Variants in VIT observed in about 807,000 individuals in gnomAD.
VIT encodes the protein vitrin.
A neutral mutation model predicts 78.0 loss-of-function variants in VIT; 99 were observed. That is an observed-to-expected ratio of 1.27 (90% CI 1.08 to 1.50). The LOEUF is 1.50. Ranked by LOEUF, VIT falls within the 40% of genes most tolerant of loss-of-function variation. VIT has a pLI of 0.00. For missense variants in VIT, 1,126 were observed against 875.3 expected, an observed-to-expected ratio of 1.29 and a Z score of -3.61; for synonymous variants, 374 against 334.3, an observed-to-expected ratio of 1.12 and a Z score of -1.29.
rs568527045 is a variant in VIT, at chr2:36,795,823, A to C, written c.1059-5478A>C. Among the ~76,000 whole-genome samples, 11 of 152,208 alleles carry C rather than the reference A, an allele frequency of 7.2e-5. 1 individual carries two copies. The highest frequency in any genetic ancestry group is 2.4e-4 in the African/African-American group (10 of 41,520). On this transcript the variant is annotated intron_variant, in intron 12 of 15. Transcript: ENST00000379242. ...TTTTGCTATTTAAAATGGACTCCAA[A>C]TGTAGTGCTGAAATGCTAGCTAGCT... is the stretch of plus-strand genomic sequence containing the variant.
At position 36,760,992 on chromosome 2, in the gene VIT, C is replaced by T. The variant is rs376104083; in HGVS notation, c.487+1946C>T. ...CAGAGATCCCTAGGGCAGAAACAGT[C>T]CCCAGGTTCACATAAAGCCCCCAAC... On this transcript the variant is annotated intron_variant, in intron 6 of 15. Coordinates refer to ENST00000379242, the MANE Select transcript of VIT (RefSeq NM_053276.4). Among the ~76,000 whole-genome samples the T allele has an allele frequency of 7.9e-5, 12 of 152,164 alleles. No homozygotes were observed. The East Asian group carries it at 1.9e-3, about 25-fold the overall frequency.
chr2:36,705,572 G>A (rs769529691), intron 1 of VIT, among the ~76,000 whole-genome samples: 2 of 151,996 alleles, frequency 1.3e-5, no homozygotes, highest in East Asian at 1.9e-4. Flanking sequence ...CTAATGGCAC[G>A]GGCATACATC....
chr2:36,808,744 C>T lies in VIT; in HGVS notation c.1662C>T (p.Tyr554=), dbSNP rs1180150187. The T allele has an allele frequency of 6.2e-7, 1 of 1,614,014 alleles. No individual in the cohort carries two copies. The highest frequency in any genetic ancestry group is 8.5e-7 in the Non-Finnish European group (1 of 1,179,986). Reference sequence around the variant, plus strand: ...ACACGCGCATCGGGGCCGTGCAGTACACCTACGAACAGCGGCTGGAGTTTG... The same window carrying T: ...ACACGCGCATCGGGGCCGTGCAGTATACCTACGAACAGCGGCTGGAGTTTG... ...DTDTRIGAVQ[Y]TYEQRLEFGF... is the part of the protein sequence containing the mutation. Residue 554 remains tyrosine, a synonymous_variant, in exon 15 of 16, where the codon TAC becomes TAT. Coordinates refer to ENST00000379242, the MANE Select transcript of VIT (RefSeq NM_053276.4).
intron 3 of VIT, among the ~76,000 whole-genome samples, chr2:36,739,171 T>C (rs1667683961): frequency 6.6e-6 from 1 of 152,138 alleles, no homozygotes. Context: ...ATAATTCTTC[T>C]TCATTAAAAA....
intron 12 of VIT, 43 bp from the exon 13 acceptor site, chr2:36,801,258 T>A: frequency 1.3e-6 from 2 of 1,527,108 alleles, no homozygotes; most frequent in Non-Finnish European, 9.1e-7. Flanking sequence ...TCCAAAGGTA[T>A]TAACTTTGCA....
At chr2:36,804,595 G>C (rs993471290) in intron 13 of VIT, among the ~76,000 whole-genome samples, 3 of 152,150 alleles carry the variant, frequency 2.0e-5, no homozygotes, top group African/African-American at 7.2e-5. Context: ...ACTTTGGGAG[G>C]CCGAGGCAGG....
intron 7 of VIT, among the ~76,000 whole-genome samples, chr2:36,773,512 T>C (rs1354441540): frequency 2.6e-5 from 4 of 152,064 alleles, no homozygotes; most frequent in Non-Finnish European, 5.9e-5. Flanking sequence ...GGCAGATCAC[T>C]TGAGGTCAGG....
In VIT at chr2:36,737,348, GAGA is replaced by G. The variant is rs1667570936; in HGVS notation, c.119-5749_119-5747del. ...AGGACCCACCAGGCAACACCAATCT[GAGA>G]AGCTTTTTTTCTTTGTCATTCACTA... On this transcript the variant is annotated intron_variant, in intron 3 of 15. Transcript: ENST00000379242. 2.0e-5 allele frequency among the ~76,000 whole-genome samples: 3 copies of G among 152,180 alleles called. No individual in the cohort carries two copies. The South Asian group carries it at 6.2e-4, about 32-fold the overall frequency.
At chr2:36,709,666 T>C (rs1350619793) in intron 1 of VIT, among the ~76,000 whole-genome samples, 5 of 152,000 alleles carry the variant, frequency 3.3e-5, no homozygotes, top group African/African-American at 1.2e-4. Flanking sequence ...ATGGATGGGT[T>C]TGTGGTGAGG....
At chr2:36,770,502 C>G (rs924357137) in intron 7 of VIT, among the ~76,000 whole-genome samples, 5 of 152,154 alleles carry the variant, frequency 3.3e-5, no homozygotes, top group African/African-American at 1.2e-4. Flanking sequence ...TTAACTGACC[C>G]ATAAATGTGC....
intron 9 of VIT, among the ~76,000 whole-genome samples, chr2:36,777,743 C>T (rs993054906): frequency 3.9e-5 from 6 of 152,198 alleles, no homozygotes; most frequent in African/African-American, 1.2e-4. Context: ...ATCCTTCCTT[C>T]GTTTAGTCGG....
At chr2:36,802,465 G>T (rs570002528) in intron 13 of VIT, among the ~76,000 whole-genome samples, 1 of 152,308 alleles carries the variant, frequency 6.6e-6, no homozygotes, top group South Asian at 2.1e-4. Flanking sequence ...TCCGATTAAA[G>T]ATTTCCCTTC....
intron 4 of VIT, among the ~76,000 whole-genome samples, chr2:36,744,902 G>A (rs1276624549): frequency 7.9e-5 from 12 of 152,038 alleles, no homozygotes; most frequent in Admixed American, 4.6e-4. Flanking sequence ...GACCAATGTC[G>A]AGAAGGGTAT....
rs1666652010 is a variant in VIT at position 36,723,688 on chromosome 2, T to G, written c.53-5738T>G. Among the ~76,000 whole-genome samples, 3 of 152,208 alleles carry G rather than the reference T, an allele frequency of 2.0e-5. No individual in the cohort carries two copies. The South Asian group carries it at 6.2e-4, about 32-fold the overall frequency. ...AGAAAGTGAAGTGGGAGAAATTTTT[T>G]TCTGAAAGAGAAATTTTAGTATTTA... is the stretch of plus-strand genomic sequence containing the variant. On this transcript the variant is annotated intron_variant, in intron 2 of 15. Coordinates refer to ENST00000379242, the MANE Select transcript of VIT (RefSeq NM_053276.4).
At chr2:36,737,682 G>A (rs1047869818) in intron 3 of VIT, among the ~76,000 whole-genome samples, 1 of 152,166 alleles carries the variant, frequency 6.6e-6, no homozygotes, top group African/African-American at 2.4e-5. Context: ...ATTGTTCTGG[G>A]ACTTAGTTAC....
At position 36,758,858 on chromosome 2, in the gene VIT, T is replaced by G. The variant is rs953183192; in HGVS notation, c.410-111T>G. On this transcript the variant is annotated intron_variant, in intron 5 of 15. Transcript: ENST00000379242. ...CTATTCAGCATGAGGGAGACTGATT[T>G]TATTGAACTGAAGAGAGATAAATTG... 4 of 950,568 alleles carry G rather than the reference T, an allele frequency of 4.2e-6. No homozygotes were observed. The African/African-American group carries it at 6.6e-5, about 16-fold the overall frequency. The allele number at this position is 950,568 out of a possible 1,614,324, so 58.9% of individuals were successfully genotyped here.
intron 1 of VIT, among the ~76,000 whole-genome samples, chr2:36,715,691 A>C (rs779186929): frequency 6.6e-6 from 1 of 152,220 alleles, no homozygotes; most frequent in African/African-American, 2.4e-5. Flanking sequence ...TCTGGGGTAC[A>C]GCCTGGGCAT....
At chr2:36,726,002 G>A (rs1192882365) in intron 2 of VIT, among the ~76,000 whole-genome samples, 2 of 151,560 alleles carry the variant, frequency 1.3e-5, no homozygotes, top group African/African-American at 2.4e-5. Context: ...ACAGGAGGCG[G>A]AGGTTGCAGT....
intron 12 of VIT, among the ~76,000 whole-genome samples, chr2:36,795,094 G>T (rs1425656162): frequency 6.6e-6 from 1 of 152,180 alleles, no homozygotes; most frequent in African/African-American, 2.4e-5. Context: ...TGGATGCTAA[G>T]TACTAGGGAT....
Sources: allele counts gnomAD v4.1 joint callset (sites outside exome capture counted in the v4.1 genomes callset), GRCh38; gene constraint gnomAD v4.1.1; transcripts MANE v1.5; gene names NCBI Gene and HGNC (gene_info 2026-07-23, HGNC 2026-07-21).